Variants in PLS3 observed in about 807,000 individuals in gnomAD.
The protein encoded by PLS3 is plastin 3, also known as plastin-3.
PLS3 carries 11 observed loss-of-function variants against 46.5 expected under a neutral mutation model. The observed-to-expected ratio is 0.24, with a 90% confidence interval of 0.15 to 0.39. PLS3 has a LOEUF of 0.39. Ranked by LOEUF, PLS3 falls within the 10% of genes least tolerant of loss-of-function variation. The pLI, the probability that PLS3 is intolerant of heterozygous loss-of-function variation, is 1.00. For missense variants in PLS3, 308 were observed against 461.8 expected (o/e 0.67, Z 3.05); for synonymous variants, 167 against 162.2 (o/e 1.03, Z -0.22).
At chrX:115,567,416 C>A (rs1174007476) in intron 1 of PLS3, among the ~76,000 whole-genome samples, 1 of 110,000 alleles carries the variant, frequency 9.1e-6, no homozygotes, top group Non-Finnish European at 1.9e-5. Context: ...CATGGTGAAA[C>A]CCCGTCTCTA....
intron 6 of PLS3, among the ~76,000 whole-genome samples, chrX:115,634,465 C>T (rs1033455769): frequency 3.6e-5 from 4 of 111,546 alleles, no homozygotes; most frequent in Non-Finnish European, 7.5e-5. Context: ...AGAAGAGCAC[C>T]TCTTGGGATG....
chrX:115,633,899 T>C (rs2074804186), intron 5 of PLS3, 101 bp from the exon 6 acceptor site: 3 of 516,731 alleles, frequency 5.8e-6, no homozygotes, highest in Non-Finnish European at 1.0e-5. Flanking sequence ...AAAGAGATGT[T>C]ATAGTAAGCT....
At chrX:115,579,199 C>T (rs953278737) in intron 1 of PLS3, among the ~76,000 whole-genome samples, 2 of 111,659 alleles carry the variant, frequency 1.8e-5, no homozygotes. Flanking sequence ...TTTCTCTGAG[C>T]GTAATTCTCT....
intron 2 of PLS3, among the ~76,000 whole-genome samples, chrX:115,617,991 A>G (rs114369834): frequency 0.032 from 3,585 of 111,160 alleles, 143 homozygotes; most frequent in African/African-American, 0.11. Flanking sequence ...CCATGATGCC[A>G]TCATAGCTCA....
chrX:115,606,140 TTTTC>T (rs1368148508), intron 1 of PLS3, among the ~76,000 whole-genome samples: 4 of 101,554 alleles, frequency 3.9e-5, no homozygotes, highest in African/African-American at 1.4e-4. Context: ...TTTCTTTTTT[TTTTC>T]TTTCTTTTTT....
intron 7 of PLS3, 125 bp downstream of exon 7, chrX:115,635,171 C>T: frequency 1.9e-6 from 1 of 539,767 alleles, no homozygotes; most frequent in Non-Finnish European, 3.0e-6. Context: ...TAAGGTAATG[C>T]TATAGAGTTA....
Position 115,579,208 on chromosome X carries a change from C to T in PLS3, c.-9+17948C>T, listed in dbSNP as rs1340401966. 4.5e-5 allele frequency among the ~76,000 whole-genome samples: 5 copies of T among 111,720 alleles called. No homozygotes were observed. The South Asian group carries it at 1.9e-3, about 42-fold the overall frequency. ...GCTTTTTTTCTCTGAGCGTAATTCT[C>T]TTAGAGATTCAACCTAAGTTGTTGT... On this transcript the variant is annotated intron_variant, in intron 1 of 15. Coordinates refer to ENST00000355899, the MANE Select transcript of PLS3 (RefSeq NM_005032.7).
intron 1 of PLS3, among the ~76,000 whole-genome samples, chrX:115,609,663 G>T (rs2074529313): frequency 8.9e-6 from 1 of 112,298 alleles, no homozygotes; most frequent in Admixed American, 9.5e-5. Flanking sequence ...AAATTGGAAA[G>T]GGTGTATACT....
chrX:115,587,775 A>G lies in PLS3; in HGVS notation c.-8-22468A>G, dbSNP rs782224111. Among the ~76,000 whole-genome samples the G allele has an allele frequency of 7.2e-5, 8 of 111,222 alleles. No homozygotes were observed. The South Asian group carries it at 2.7e-3, about 37-fold the overall frequency. On this transcript the variant is annotated intron_variant, in intron 1 of 15. Transcript: ENST00000355899. ...AAGACAACCAGTTTTACTTTGAAAG[A>G]TTGAATTAACTGATTATTCAGACCC...
At chrX:115,572,995 A>AG (rs782276742) in intron 1 of PLS3, among the ~76,000 whole-genome samples, 3 of 103,992 alleles carry the variant, frequency 2.9e-5, no homozygotes, top group African/African-American at 1.1e-4. Context: ...TGGGAGGCTG[A>AG]GGTGAGAGAA....
chrX:115,589,116 A>C (rs1417886942), intron 1 of PLS3, among the ~76,000 whole-genome samples: 4 of 110,397 alleles, frequency 3.6e-5, no homozygotes, highest in African/African-American at 6.6e-5. Context: ...TACAGGCGAC[A>C]GCCACCATGC....
chrX:115,606,321 AG>A (rs2074493986), intron 1 of PLS3, among the ~76,000 whole-genome samples: 1 of 107,900 alleles, frequency 9.3e-6, no homozygotes, highest in Non-Finnish European at 1.9e-5. Context: ...CATTTTTGGT[AG>A]AGACAGGGTT....
chrX:115,561,931 T>C, intron 1 of PLS3, among the ~76,000 whole-genome samples: 1 of 111,072 alleles, frequency 9.0e-6, no homozygotes, highest in South Asian at 3.9e-4. Flanking sequence ...TAAGCACTTT[T>C]TTTCCTTTCA....
chrX:115,567,876 G>A (rs987916554), intron 1 of PLS3, among the ~76,000 whole-genome samples: 3 of 109,342 alleles, frequency 2.7e-5, no homozygotes, highest in Non-Finnish European at 3.8e-5. Flanking sequence ...AGTTTTACGT[G>A]ATATATAATA....
At chrX:115,567,743 A>C (rs1556630302) in intron 1 of PLS3, among the ~76,000 whole-genome samples, 1 of 81,590 alleles carries the variant, frequency 1.2e-5, no homozygotes, top group Admixed American at 1.7e-4. Flanking sequence ...TCAGGTTCTC[A>C]CTCTGTCGCC....
intron 2 of PLS3, among the ~76,000 whole-genome samples, chrX:115,619,102 T>A (rs1248761967): frequency 8.9e-6 from 1 of 111,813 alleles, no homozygotes; most frequent in Non-Finnish European, 1.9e-5. Flanking sequence ...GTTTTAAAAG[T>A]GTTTGTGTGA....
chrX:115,630,185 A>G (rs2074750465), intron 5 of PLS3, among the ~76,000 whole-genome samples: 1 of 111,009 alleles, frequency 9.0e-6, no homozygotes, highest in East Asian at 2.8e-4. Flanking sequence ...CTCAGCCTCC[A>G]TTTTCTTCTC....
intron 1 of PLS3, among the ~76,000 whole-genome samples, chrX:115,583,855 G>C (rs1282319596): frequency 3.6e-5 from 4 of 111,828 alleles, no homozygotes; most frequent in Non-Finnish European, 7.5e-5. Flanking sequence ...TTGACAGTGA[G>C]ATGTTTTTCT....
chrX:115,594,668 T>TCTCTCA (rs1556633590), intron 1 of PLS3, among the ~76,000 whole-genome samples: 2 of 98,006 alleles, frequency 2.0e-5, no homozygotes, highest in African/African-American at 8.1e-5. Context: ...TCTCTCTCTC[T>TCTCTCA]CACACACACA....
Sources: gnomAD v4.1 joint callset for allele counts (sites outside exome capture counted in the v4.1 genomes callset) on GRCh38, gnomAD v4.1.1 for gene constraint, MANE v1.5 for transcripts, NCBI Gene and HGNC (gene_info 2026-07-23, HGNC 2026-07-21) for gene names.